CACNA2D3: variants seen among roughly 807,000 people sequenced by gnomAD.
CACNA2D3 encodes voltage-dependent calcium channel subunit alpha-2/delta-3.
A neutral mutation model predicts 160.6 loss-of-function variants in CACNA2D3; 60 were observed. The observed-to-expected ratio is 0.37, with a 90% CI of 0.30 to 0.46. The LOEUF (loss-of-function observed/expected upper bound fraction) is 0.46. Among genes scored for constraint, CACNA2D3 ranks in the 20% least tolerant of loss-of-function variants. The pLI, the probability that CACNA2D3 is intolerant of heterozygous loss-of-function variation, is 1.00. For missense variants in CACNA2D3, 1,205 were observed against 1,365.0 expected (o/e 0.88, Z 1.85); for synonymous variants, 558 against 492.9 (o/e 1.13, Z -1.75).
chr3:55,003,518 G>A (rs1033266342), intron 31 of CACNA2D3, among the ~76,000 whole-genome samples: 14 of 152,170 alleles, frequency 9.2e-5, no homozygotes, highest in African/African-American at 3.1e-4. Flanking sequence ...CAACACAGGG[G>A]AATCATAGTA....
At chr3:54,989,286 A>G (rs1004444919) in intron 31 of CACNA2D3, among the ~76,000 whole-genome samples, 2 of 152,194 alleles carry the variant, frequency 1.3e-5, no homozygotes, top group South Asian at 2.1e-4. Flanking sequence ...GGTGGGAGAA[A>G]GAGAAAGGGT....
At chr3:54,265,559 TA>T in intron 2 of CACNA2D3, among the ~76,000 whole-genome samples, 4 of 78,520 alleles carry the variant, frequency 5.1e-5, no homozygotes, top group African/African-American at 2.4e-4. Flanking sequence ...TGTGTGTGTA[TA>T]GTGTGTATAT....
intron 13 of CACNA2D3, among the ~76,000 whole-genome samples, chr3:54,815,116 G>A (rs1398056876): frequency 1.3e-5 from 2 of 151,964 alleles, no homozygotes. Context: ...CTCATCTCGT[G>A]GTCTATTTTT....
intron 3 of CACNA2D3, 21 bp from the exon 4 acceptor site, chr3:54,386,694 G>GTTTTTTTTT (rs62967361): frequency 2.8e-5 from 40 of 1,408,130 alleles, no homozygotes; most frequent in South Asian, 7.2e-5. Context: ...GCTGTCTTCT[G>GTTTTTTTTT]TTTTTTTTTT....
chr3:54,304,973 G>C (rs1472846924), intron 2 of CACNA2D3, among the ~76,000 whole-genome samples: 2 of 151,798 alleles, frequency 1.3e-5, no homozygotes, highest in Non-Finnish European at 2.9e-5. Context: ...ATTTGCATCT[G>C]TATTTAGCAT....
rs138602831 is a variant in CACNA2D3, at chr3:54,296,903, G to A, written c.205-23539G>A. ...CACCCTGATGTTCAAGCTGAGTTTG[G>A]CAGAGCTGGGCTTGTGTCTGGGATG... On this transcript the variant is annotated intron_variant, in intron 2 of 37. Transcript: ENST00000474759. 3.8e-4 allele frequency among the ~76,000 whole-genome samples: 58 copies of A among 152,324 alleles called. 1 individual carries two copies. Among genetic ancestry groups the A allele is most frequent in the African/African-American group, 1.4e-3 (58 of 41,578 alleles).
intron 2 of CACNA2D3, among the ~76,000 whole-genome samples, chr3:54,143,126 C>A (rs1699967779): frequency 6.6e-6 from 1 of 152,236 alleles, no homozygotes; most frequent in South Asian, 2.1e-4. Flanking sequence ...ATACCAGCAA[C>A]AACTGCTTGG....
chr3:54,869,521 A>G (rs920918504), intron 17 of CACNA2D3, among the ~76,000 whole-genome samples: 3 of 152,234 alleles, frequency 2.0e-5, no homozygotes, highest in African/African-American at 7.2e-5. Flanking sequence ...GACCAAAGAA[A>G]GAACTTCCTC....
intron 4 of CACNA2D3, among the ~76,000 whole-genome samples, chr3:54,476,063 T>A (rs1007657676): frequency 6.6e-6 from 1 of 150,416 alleles, no homozygotes; most frequent in African/African-American, 2.4e-5. Flanking sequence ...TTTTTTTTTT[T>A]AGATTTCACA....
At chr3:55,005,048 G>A (rs1447730768) in intron 32 of CACNA2D3, among the ~76,000 whole-genome samples, 1 of 151,948 alleles carries the variant, frequency 6.6e-6, no homozygotes, top group Non-Finnish European at 1.5e-5. Context: ...GGCCGAGGTG[G>A]CTGGATCACT....
At chr3:54,192,877 G>C (rs1701008589) in intron 2 of CACNA2D3, among the ~76,000 whole-genome samples, 2 of 152,198 alleles carry the variant, frequency 1.3e-5, no homozygotes, top group Admixed American at 1.3e-4. Flanking sequence ...TCCTCAGGGA[G>C]AATCAGATCA....
chr3:55,073,272 T>A (rs547019179), intron 35 of CACNA2D3, among the ~76,000 whole-genome samples, 173 bp from the exon 36 acceptor site: 2 of 152,142 alleles, frequency 1.3e-5, no homozygotes, highest in Non-Finnish European at 2.9e-5. Context: ...TGAAGCTAGG[T>A]ATTTGTAAGT....
chr3:54,457,653 T>C (rs1047934930), intron 4 of CACNA2D3, among the ~76,000 whole-genome samples: 4 of 152,026 alleles, frequency 2.6e-5, no homozygotes, highest in African/African-American at 9.7e-5. Flanking sequence ...AGAGTGGGGT[T>C]TGGAAGTCCC....
intron 18 of CACNA2D3, among the ~76,000 whole-genome samples, chr3:54,872,462 C>T (rs1379838181): frequency 6.6e-6 from 1 of 152,148 alleles, no homozygotes; most frequent in Non-Finnish European, 1.5e-5. Flanking sequence ...AGGGTCCTTT[C>T]TTAAGTTCCA....
intron 4 of CACNA2D3, among the ~76,000 whole-genome samples, chr3:54,459,590 A>G (rs1329346318): frequency 6.6e-6 from 1 of 152,108 alleles, no homozygotes; most frequent in Non-Finnish European, 1.5e-5. Context: ...GTGTCTGTTC[A>G]TATCCTTCGC....
In CACNA2D3 at chr3:54,159,328, T is replaced by G. The variant is rs1018413103; in HGVS notation, c.204+35734T>G. The stretch of plus-strand genomic sequence containing the variant: ...TCAGTGCATTGTGCTTTAATTTGGT[T>G]GTGATCATTTGGTATGTACAATTTT... On this transcript the variant is annotated intron_variant, in intron 2 of 37. Transcript: ENST00000474759. Among the ~76,000 whole-genome samples, 6 of 152,182 alleles carry G rather than the reference T, an allele frequency of 3.9e-5. No homozygotes were observed. The South Asian group carries it at 1.2e-3, about 32-fold the overall frequency.
intron 11 of CACNA2D3, among the ~76,000 whole-genome samples, chr3:54,711,634 T>C (rs891563053): frequency 2.6e-5 from 4 of 152,202 alleles, no homozygotes; most frequent in African/African-American, 7.2e-5. Flanking sequence ...ATGATTAACA[T>C]AGACCAATCG....
chr3:54,327,658 C>T (rs551088658), intron 3 of CACNA2D3, among the ~76,000 whole-genome samples: 18 of 151,888 alleles, frequency 1.2e-4, no homozygotes, highest in African/African-American at 4.1e-4. Context: ...ACATATTCAT[C>T]GTGAAAGAGA....
At chr3:54,765,030 TG>T (rs1157486036) in intron 13 of CACNA2D3, among the ~76,000 whole-genome samples, 5 of 122,452 alleles carry the variant, frequency 4.1e-5, no homozygotes, top group Non-Finnish European at 7.8e-5. Context: ...CTGATGGGAG[TG>T]GTGTTTTTCA....
Sources: allele counts gnomAD v4.1 joint callset (sites outside exome capture counted in the v4.1 genomes callset), GRCh38; gene constraint gnomAD v4.1.1; transcripts MANE v1.5; gene names NCBI Gene and HGNC (gene_info 2026-07-23, HGNC 2026-07-21).